IGF1R: variants seen among roughly 807,000 people sequenced by gnomAD.
IGF1R encodes the protein insulin like growth factor 1 receptor.
A neutral mutation model predicts 144.6 loss-of-function variants in IGF1R; 44 were observed. The observed-to-expected ratio is 0.30, with a 90% CI of 0.24 to 0.39. The LOEUF is 0.39. Ranked by LOEUF, IGF1R falls within the 10% of genes least tolerant of loss-of-function variation. IGF1R has a pLI of 1.00. For missense variants in IGF1R, 1,355 were observed against 1,833.7 expected, an observed-to-expected ratio of 0.74 and a Z score of 4.77; for synonymous variants, 795 against 722.8, an observed-to-expected ratio of 1.10 and a Z score of -1.60.
chr15:98,650,631 G>C (rs2052337387), intron 1 of IGF1R, among the ~76,000 whole-genome samples: 1 of 152,208 alleles, frequency 6.6e-6, no homozygotes, highest in Non-Finnish European at 1.5e-5. Context: ...GCCGCCTCAC[G>C]GGGACACCTA....
At chr15:98,909,654 G>A (rs1237917587) in intron 6 of IGF1R, among the ~76,000 whole-genome samples, 1 of 152,190 alleles carries the variant, frequency 6.6e-6, no homozygotes. Context: ...GGGGTGGAGG[G>A]GGCTCTGCCC....
At chr15:98,878,505 TA>T (rs1410633832) in intron 2 of IGF1R, among the ~76,000 whole-genome samples, 1 of 152,044 alleles carries the variant, frequency 6.6e-6, no homozygotes, top group Non-Finnish European at 1.5e-5. Context: ...GTGAAAAGAA[TA>T]TTTTTTTCCA....
In IGF1R at chr15:98,909,605, C is replaced by T. The variant is rs929573199; in HGVS notation, c.1462+706C>T. Among the ~76,000 whole-genome samples the T allele has an allele frequency of 4.6e-5, 7 of 152,322 alleles. No homozygotes were observed. The South Asian group carries it at 6.2e-4, about 14-fold the overall frequency. Reference sequence around the variant, plus strand: ...CCAGTGTGCTTCAGCCCTATGAGCTCTACCCTTCTGCTCCCACAGAAGGGA... The same window carrying T: ...CCAGTGTGCTTCAGCCCTATGAGCTTTACCCTTCTGCTCCCACAGAAGGGA... On this transcript the variant is annotated intron_variant, in intron 6 of 20. Coordinates refer to ENST00000650285, the MANE Select transcript of IGF1R (RefSeq NM_000875.5).
intron 2 of IGF1R, among the ~76,000 whole-genome samples, chr15:98,808,059 C>T (rs1357362286): frequency 6.6e-6 from 1 of 152,150 alleles, no homozygotes; most frequent in East Asian, 1.9e-4. Context: ...CACACAGATA[C>T]CACATCCATG....
intron 1 of IGF1R, among the ~76,000 whole-genome samples, chr15:98,689,195 G>A (rs187236085): frequency 6.0e-5 from 9 of 149,016 alleles, no homozygotes; most frequent in East Asian, 2.0e-4. Flanking sequence ...GGTTTTTGGC[G>A]TCCTTTTCAA....
chr15:98,780,324 G>T (rs549733530), intron 2 of IGF1R, among the ~76,000 whole-genome samples: 7 of 151,900 alleles, frequency 4.6e-5, no homozygotes, highest in African/African-American at 1.4e-4. Context: ...GCTGAGGCGG[G>T]TGGATCACCT....
rs751955518 is a variant in IGF1R at position 98,899,457 on chromosome 15, A to T, written c.1103-20A>T. The stretch of plus-strand genomic sequence containing the variant: ...TTACACCAAGTGAGCACACAGTGAC[A>T]CAATCCCCTTTCAATGTAGATAACA... On this transcript the variant is annotated intron_variant, in intron 4 of 20. Transcript: ENST00000650285. 1.4e-5 allele frequency: 23 copies of T among 1,613,608 alleles called. No homozygotes were observed. The South Asian group carries it at 1.8e-4, about 12-fold the overall frequency.
intron 2 of IGF1R, among the ~76,000 whole-genome samples, chr15:98,796,741 A>G (rs1339504263): frequency 6.6e-6 from 1 of 152,228 alleles, no homozygotes; most frequent in Non-Finnish European, 1.5e-5. Flanking sequence ...ACACACAGGC[A>G]TGCACACACG....
At chr15:98,780,597 T>C (rs1330039178) in intron 2 of IGF1R, among the ~76,000 whole-genome samples, 1 of 147,630 alleles carries the variant, frequency 6.8e-6, no homozygotes, top group African/African-American at 2.5e-5. Flanking sequence ...TAAATAAAAT[T>C]GTAAGGTGAA....
chr15:98,700,573 G>A (rs978050858), intron 1 of IGF1R, among the ~76,000 whole-genome samples: 4 of 152,168 alleles, frequency 2.6e-5, no homozygotes, highest in Non-Finnish European at 4.4e-5. Flanking sequence ...CCTGATGCAT[G>A]TTGAGGACTT....
At chr15:98,920,125 TA>T (rs948004207) in intron 10 of IGF1R, among the ~76,000 whole-genome samples, 3 of 152,192 alleles carry the variant, frequency 2.0e-5, no homozygotes, top group African/African-American at 7.2e-5. Flanking sequence ...TGTTGGAAAG[TA>T]AAAGGTTTTC....
intron 2 of IGF1R, among the ~76,000 whole-genome samples, chr15:98,877,352 T>TTAAC: frequency 6.6e-6 from 1 of 152,126 alleles, no homozygotes; most frequent in East Asian, 1.9e-4. Flanking sequence ...CGAAGAGAAG[T>TTAAC]TAACGCCACA....
chr15:98,658,597 G>T (rs1056867754), intron 1 of IGF1R, among the ~76,000 whole-genome samples: 1 of 152,204 alleles, frequency 6.6e-6, no homozygotes, highest in Non-Finnish European at 1.5e-5. Flanking sequence ...AAGGCAGCAC[G>T]CTAAGTCAGG....
intron 2 of IGF1R, among the ~76,000 whole-genome samples, chr15:98,797,796 G>A (rs1448764977): frequency 6.6e-6 from 1 of 152,224 alleles, no homozygotes; most frequent in Non-Finnish European, 1.5e-5. Context: ...AAAACAAATG[G>A]AAACATTCTA....
At chr15:98,938,057 A>G (rs560385323) in intron 17 of IGF1R, among the ~76,000 whole-genome samples, 2 of 152,320 alleles carry the variant, frequency 1.3e-5, no homozygotes, top group Admixed American at 1.3e-4. Flanking sequence ...AGTACCGAGG[A>G]GTTGTTATAA....
chr15:98,939,134 C>T (rs959412659), intron 17 of IGF1R, 67 bp from the exon 18 acceptor site: 16 of 1,385,376 alleles, frequency 1.2e-5, no homozygotes, highest in Admixed American at 1.7e-5. Flanking sequence ...ATGCAAACCT[C>T]GAAAGAAATT....
Position 98,957,162 on chromosome 15 carries a change from G to GGGA in IGF1R, c.3827_3829dup (p.Glu1276dup). 1 of 1,614,232 alleles carries GGGA rather than the reference G, an allele frequency of 6.2e-7. No homozygotes were observed. Among genetic ancestry groups the GGGA allele is most frequent in the South Asian group, 1.1e-5 (1 of 91,084 alleles). On this transcript the variant is annotated inframe_insertion, in exon 21 of 21. Coordinates refer to ENST00000650285, the MANE Select transcript of IGF1R (RefSeq NM_000875.5). The stretch of plus-strand genomic sequence containing the variant: ...AAAGAGGAGATGGAGCCTGGCTTCC[G>GGGA]GGAGGTCTCCTTCTACTACAGCGAG...
chr15:98,704,987 T>G lies in IGF1R; in HGVS notation c.95-2575T>G, dbSNP rs931587502. ...ATGAGAGTGCTGCAGTTTACAAGCT[T>G]GGAAGGTGGATTATGTGGGGGGATG... On this transcript the variant is annotated intron_variant, in intron 1 of 20. Coordinates refer to ENST00000650285, the MANE Select transcript of IGF1R (RefSeq NM_000875.5). This position sits in a 1 kb window ranked among gnomAD's most constrained non-coding sequence, Gnocchi z 4.9. Among the ~76,000 whole-genome samples, 2 of 151,976 alleles carry G rather than the reference T, an allele frequency of 1.3e-5. No homozygotes were observed. The highest frequency in any genetic ancestry group is 4.8e-5 in the African/African-American group (2 of 41,368).
intron 2 of IGF1R, among the ~76,000 whole-genome samples, chr15:98,829,438 G>A (rs1265603131): frequency 6.6e-6 from 1 of 151,972 alleles, no homozygotes; most frequent in Admixed American, 6.6e-5. Context: ...ATGTAATTAA[G>A]ATGTTTGGGG....
Sources: allele counts gnomAD v4.1 joint callset (sites outside exome capture counted in the v4.1 genomes callset), GRCh38; gene constraint gnomAD v4.1.1; non-coding constraint Gnocchi (gnomAD v3.1); transcripts MANE v1.5; gene names NCBI Gene and HGNC (gene_info 2026-07-23, HGNC 2026-07-21).